Variants in NRIP1 observed in about 807,000 individuals in gnomAD.
NRIP1 encodes nuclear receptor-interacting protein 1.
NRIP1 carries 28 observed loss-of-function variants against 75.0 expected under a neutral mutation model. The observed-to-expected ratio is 0.37, with a 90% CI of 0.28 to 0.51. The LOEUF (loss-of-function observed/expected upper bound fraction) is 0.51, where lower values mean the gene tolerates loss of function less well. NRIP1 is among the 20% of genes least tolerant of loss of function. NRIP1 has a pLI of 0.92. For synonymous variants in NRIP1, 526 were observed against 487.6 expected (o/e 1.08, Z -1.04); for missense variants, 1,435 against 1,343.7 (o/e 1.07, Z -1.06).
intron 3 of NRIP1, among the ~76,000 whole-genome samples, chr21:14,995,787 G>T (rs2087705763): frequency 1.3e-5 from 2 of 151,938 alleles, no homozygotes; most frequent in Admixed American, 1.3e-4. Context: ...GTGTGTGTGT[G>T]TATTACTGTA....
In NRIP1 at chr21:14,963,337, T is replaced by C. The variant is rs1422578877; in HGVS notation, c.*1379A>G. The C allele has an allele frequency of 6.6e-6, 1 of 152,486 alleles. No homozygotes were observed. The highest frequency in any genetic ancestry group is 1.5e-5 in the Non-Finnish European group (1 of 67,972). 9.4% of individuals were successfully genotyped at this position (152,486 alleles called of 1,614,324 possible). A position where few individuals can be genotyped will look rare whatever the true frequency, so the allele number is the denominator to read the frequency against. On this transcript the variant is annotated 3_prime_UTR_variant, in exon 4 of 4. Coordinates refer to ENST00000318948, the MANE Select transcript of NRIP1 (RefSeq NM_003489.4). ...TGAGTTTGGTAAGTGGCCCTGTTTT[T>C]CCATCCCTAAGGCTAACTAAGTAGA...
At chr21:15,064,360 G>T (rs906851921) in intron 1 of NRIP1, among the ~76,000 whole-genome samples, 1 of 152,212 alleles carries the variant, frequency 6.6e-6, no homozygotes, top group Non-Finnish European at 1.5e-5. Flanking sequence ...ACAGCAGGAC[G>T]GAGAGCGGCG....
chr21:15,011,556 A>G (rs550346934), intron 3 of NRIP1, among the ~76,000 whole-genome samples: 116 of 152,312 alleles, frequency 7.6e-4, no homozygotes, highest in Middle Eastern at 3.4e-3. Context: ...TTTAAACTCA[A>G]GACATCTATT....
At chr21:15,048,215 T>A (rs1370487168) in intron 1 of NRIP1, among the ~76,000 whole-genome samples, 3 of 152,150 alleles carry the variant, frequency 2.0e-5, no homozygotes. Flanking sequence ...GTGAGAATTA[T>A]CAAAACATGA....
rs560148613 is a variant in NRIP1, at chr21:14,972,493, T to C, written c.-334-3967A>G. On this transcript the variant is annotated intron_variant, in intron 3 of 3. Transcript: ENST00000318948. The stretch of plus-strand genomic sequence containing the variant: ...TATTCAATATTAGCTTAACTCATTT[T>C]CTTTTAGTGAAAGACAACCACATTA... 2.6e-4 allele frequency among the ~76,000 whole-genome samples: 39 copies of C among 152,346 alleles called. No individual in the cohort carries two copies. The East Asian group carries it at 4.2e-3, about 17-fold the overall frequency.
intron 3 of NRIP1, among the ~76,000 whole-genome samples, chr21:15,008,110 G>A (rs1012516305): frequency 2.7e-5 from 4 of 150,126 alleles, no homozygotes; most frequent in African/African-American, 9.8e-5. Context: ...GTCCCGCTGA[G>A]ACCTCAGAAA....
At position 14,966,415 on chromosome 21, in the gene NRIP1, T is replaced by A; in HGVS notation, c.1778A>T (p.Asn593Ile). Residue 593 changes from asparagine to isoleucine, a missense_variant, in exon 4 of 4, where the codon AAT (asparagine) becomes ATT (isoleucine). Asn to Ile is a moderately radical substitution (Grantham distance 149). Coordinates refer to ENST00000318948, the MANE Select transcript of NRIP1 (RefSeq NM_003489.4). Reference sequence around the variant, plus strand: ...GTCCATTGAGTGGTTAGATGCAGTATTTGTTAGCTTTTCAGACTGAGTACT... The same window carrying A: ...GTCCATTGAGTGGTTAGATGCAGTAATTGTTAGCTTTTCAGACTGAGTACT... The part of the protein sequence containing the change: ...VCSTQSEKLT[N>I]TASNHSMDLT... The A allele has an allele frequency of 6.2e-7, 1 of 1,614,090 alleles. No individual in the cohort carries two copies. Among genetic ancestry groups the A allele is most frequent in the Non-Finnish European group, 8.5e-7 (1 of 1,179,972 alleles).
chr21:15,051,531 A>T, intron 1 of NRIP1: 1 of 152,546 alleles, frequency 6.6e-6, no homozygotes, highest in Non-Finnish European at 1.5e-5. Context: ...TTGATTCACA[A>T]GTCCATCTAG....
intron 3 of NRIP1, among the ~76,000 whole-genome samples, chr21:14,979,404 A>G (rs933339120): frequency 1.3e-5 from 2 of 152,194 alleles, no homozygotes; most frequent in East Asian, 1.9e-4. Flanking sequence ...TGGTTTCCCC[A>G]TCCCTAAAAT....
At chr21:15,022,540 A>C (rs1273365157) in intron 2 of NRIP1, among the ~76,000 whole-genome samples, 1 of 152,234 alleles carries the variant, frequency 6.6e-6, no homozygotes, top group Admixed American at 6.5e-5. Context: ...CCCAGAACTT[A>C]AAATAAAAGT....
At chr21:15,028,989 C>T (rs1294631380) in intron 2 of NRIP1, among the ~76,000 whole-genome samples, 1 of 151,910 alleles carries the variant, frequency 6.6e-6, no homozygotes. Flanking sequence ...GGCTGCCATC[C>T]GAGATGCCTC....
At chr21:15,038,198 G>A (rs968709733) in intron 2 of NRIP1, among the ~76,000 whole-genome samples, 1 of 151,916 alleles carries the variant, frequency 6.6e-6, no homozygotes, top group Admixed American at 6.6e-5. Context: ...ACATTATAAT[G>A]TCCCCTTTGA....
intron 3 of NRIP1, among the ~76,000 whole-genome samples, chr21:15,012,212 A>AAT (rs2088119829): frequency 6.6e-6 from 1 of 152,178 alleles, no homozygotes; most frequent in African/African-American, 2.4e-5. Flanking sequence ...AGGCATATTG[A>AAT]AAAGACATTC....
At chr21:15,000,816 A>G (rs1236013365) in intron 3 of NRIP1, among the ~76,000 whole-genome samples, 2 of 152,198 alleles carry the variant, frequency 1.3e-5, no homozygotes, top group African/African-American at 4.8e-5. Context: ...CCTATATCCA[A>G]TTGAAACAAA....
At chr21:15,060,916 C>T (rs2089410541) in intron 1 of NRIP1, among the ~76,000 whole-genome samples, 2 of 150,504 alleles carry the variant, frequency 1.3e-5, no homozygotes, top group South Asian at 4.2e-4. Context: ...TTCCAATGGC[C>T]TGTTTCACCA....
At chr21:14,972,611 A>C (rs2086932975) in intron 3 of NRIP1, among the ~76,000 whole-genome samples, 2 of 152,310 alleles carry the variant, frequency 1.3e-5, no homozygotes, top group South Asian at 4.1e-4. Context: ...ATATTTAGTT[A>C]CCAATACCTA....
chr21:14,972,735 G>C lies in NRIP1; in HGVS notation c.-334-4209C>G, dbSNP rs187949957. ...TTTTTGCATGGAGTAGCGGGGTGGA[G>C]ATGGTTTCAAGATGAAACTGTTCCA... On this transcript the variant is annotated intron_variant, in intron 3 of 3. Coordinates refer to ENST00000318948, the MANE Select transcript of NRIP1 (RefSeq NM_003489.4). Among the ~76,000 whole-genome samples, 197 of 152,324 alleles carry C rather than the reference G, an allele frequency of 1.3e-3. 7 individuals carry two copies. Among genetic ancestry groups the C allele is most frequent in the Non-Finnish European group, 1.5e-3 (101 of 68,034 alleles).
In NRIP1 at chr21:14,966,489, G is replaced by A. The variant is rs149931411; in HGVS notation, c.1704C>T (p.Leu568=). ...TSSKAGSPIN[L]SQHSLVIKWN... is the part of the protein sequence containing the mutation. Reference sequence around the variant, plus strand: ...ATTTGATGACCAGAGAGTGTTGAGAGAGATTGATGGGAGACCCTGCTTTGC... The same window carrying A: ...ATTTGATGACCAGAGAGTGTTGAGAAAGATTGATGGGAGACCCTGCTTTGC... The change falls in exon 4 of 4, where the codon CTC becomes CTT. Residue 568 remains leucine, a synonymous_variant. Coordinates refer to ENST00000318948, the MANE Select transcript of NRIP1 (RefSeq NM_003489.4). 2 of 1,614,010 alleles carry A rather than the reference G, an allele frequency of 1.2e-6. No individual in the cohort carries two copies. Among genetic ancestry groups the A allele is most frequent in the Non-Finnish European group, 1.7e-6 (2 of 1,180,010 alleles).
At chr21:14,977,162 T>C (rs1031592486) in intron 3 of NRIP1, among the ~76,000 whole-genome samples, 5 of 152,180 alleles carry the variant, frequency 3.3e-5, no homozygotes, top group African/African-American at 1.2e-4. Context: ...TTCAGGGGTA[T>C]TTTTATACAA....
Sources: allele counts gnomAD v4.1 joint callset (sites outside exome capture counted in the v4.1 genomes callset), GRCh38; gene constraint gnomAD v4.1.1; transcripts MANE v1.5; gene names NCBI Gene and HGNC (gene_info 2026-07-23, HGNC 2026-07-21).